Variants in RPS6KC1 observed in about 807,000 individuals in gnomAD.
RPS6KC1 encodes ribosomal protein S6 kinase C1, also known as inactive ribosomal protein S6 kinase delta-1.
In RPS6KC1, 54 loss-of-function variants were observed where a neutral mutation model predicts 103.8. The observed-to-expected ratio is 0.52, with a 90% CI of 0.42 to 0.65. The LOEUF is 0.65. RPS6KC1 is among the 30% of genes least tolerant of loss of function. RPS6KC1 has a pLI of 0.00. For missense variants in RPS6KC1, 1,151 were observed against 1,253.8 expected, an observed-to-expected ratio of 0.92 and a Z score of 1.24; for synonymous variants, 439 against 438.7, an observed-to-expected ratio of 1.00 and a Z score of -0.01.
At chr1:213,317,506 C>G in the RPS6KC1 span, among the ~76,000 whole-genome samples, 4 of 152,194 alleles carry the variant, frequency 2.6e-5, no homozygotes, top group Admixed American at 6.5e-5. Flanking sequence ...TATCTGGGAT[C>G]AAGGCTCCAC....
chr1:213,147,787 A>G (rs1046093293), intron 6 of RPS6KC1, among the ~76,000 whole-genome samples: 4 of 152,200 alleles, frequency 2.6e-5, no homozygotes, highest in Non-Finnish European at 1.5e-5. Context: ...GCTGTGGGTC[A>G]TATGGACATT....
the RPS6KC1 span, among the ~76,000 whole-genome samples, chr1:213,304,050 A>G: frequency 6.6e-6 from 1 of 150,994 alleles, no homozygotes; most frequent in African/African-American, 2.4e-5. Flanking sequence ...CTAAAAATAC[A>G]AAAAAATTAG....
chr1:213,233,248 A>G (rs555040939), intron 10 of RPS6KC1, among the ~76,000 whole-genome samples: 4 of 152,292 alleles, frequency 2.6e-5, no homozygotes, highest in African/African-American at 7.2e-5. Flanking sequence ...AGGAAATTCA[A>G]AAGGGGCTCT....
chr1:213,616,120 T>G, the RPS6KC1 span, among the ~76,000 whole-genome samples: 1 of 152,212 alleles, frequency 6.6e-6, no homozygotes, highest in African/African-American at 2.4e-5. Context: ...GTAAGCAAAG[T>G]GCAAGGCATG....
intron 8 of RPS6KC1, among the ~76,000 whole-genome samples, chr1:213,193,988 C>G (rs1410799753): frequency 6.6e-6 from 1 of 152,198 alleles, no homozygotes; most frequent in African/African-American, 2.4e-5. Context: ...CTTTATATAT[C>G]TGGGTGCTCC....
At chr1:213,823,750 ACAC>A in the RPS6KC1 span, among the ~76,000 whole-genome samples, 1 of 151,666 alleles carries the variant, frequency 6.6e-6, no homozygotes, top group African/African-American at 2.4e-5. Context: ...ACACACACAC[ACAC>A]CACACCACAT....
At chr1:213,167,785 G>T in intron 6 of RPS6KC1, 73 bp from the exon 7 acceptor site, 1 of 803,640 alleles carries the variant, frequency 1.2e-6, no homozygotes, top group Middle Eastern at 2.3e-4. Context: ...CAGTGTATTG[G>T]GTAGAAGGAA....
At chr1:213,639,735 TC>T in the RPS6KC1 span, among the ~76,000 whole-genome samples, 3 of 152,036 alleles carry the variant, frequency 2.0e-5, no homozygotes, top group African/African-American at 7.2e-5. Flanking sequence ...AGCTTTGCAT[TC>T]CTGGAATAAA....
chr1:213,413,485 G>C, the RPS6KC1 span, among the ~76,000 whole-genome samples: 1 of 152,146 alleles, frequency 6.6e-6, no homozygotes, highest in African/African-American at 2.4e-5. Context: ...GTTGCCTGGG[G>C]TTGCAGTCTT....
At chr1:213,212,804 T>A (rs914533885) in intron 8 of RPS6KC1, among the ~76,000 whole-genome samples, 3 of 152,356 alleles carry the variant, frequency 2.0e-5, no homozygotes, top group African/African-American at 7.2e-5. Context: ...ATATCTTGTT[T>A]CAATTTGCAC....
chr1:213,083,804 G>A (rs369386429), intron 3 of RPS6KC1, among the ~76,000 whole-genome samples: 15 of 152,132 alleles, frequency 9.9e-5, no homozygotes, highest in East Asian at 7.7e-4. Flanking sequence ...ACTGAACCAG[G>A]ATTAGTCTGT....
chr1:213,558,167 G>A, the RPS6KC1 span, among the ~76,000 whole-genome samples: 8 of 152,204 alleles, frequency 5.3e-5, no homozygotes, highest in East Asian at 3.8e-4. Flanking sequence ...CATCAGCTAC[G>A]TAAGGGGCTT....
intron 3 of RPS6KC1, among the ~76,000 whole-genome samples, chr1:213,092,584 A>G (rs2081071692): frequency 6.6e-6 from 1 of 151,642 alleles, no homozygotes; most frequent in Non-Finnish European, 1.5e-5. Flanking sequence ...AGGCAGGGGA[A>G]TTGCTTGAAC....
At chr1:213,561,129 C>T in the RPS6KC1 span, among the ~76,000 whole-genome samples, 1 of 152,208 alleles carries the variant, frequency 6.6e-6, no homozygotes, top group Non-Finnish European at 1.5e-5. Context: ...TCACCAGTCT[C>T]AAATATACGT....
At chr1:213,275,949 T>C (rs192975128), downstream of RPS6KC1, among the ~76,000 whole-genome samples, 1 of 152,348 alleles carries the variant, frequency 6.6e-6, no homozygotes, top group East Asian at 1.9e-4. Flanking sequence ...GTTGATAATA[T>C]ATTTAGACCT....
chr1:213,219,878 G>A (rs944240793), intron 8 of RPS6KC1, among the ~76,000 whole-genome samples: 2 of 137,346 alleles, frequency 1.5e-5, no homozygotes, highest in African/African-American at 5.3e-5. Context: ...GAGGGGGGAG[G>A]TATAGCATTA....
intron 12 of RPS6KC1, among the ~76,000 whole-genome samples, chr1:213,258,051 A>G (rs1208231402): frequency 2.0e-5 from 3 of 151,924 alleles, no homozygotes; most frequent in Admixed American, 6.6e-5. Context: ...GCATGATCTC[A>G]GCTCACTGCA....
intron 10 of RPS6KC1, among the ~76,000 whole-genome samples, chr1:213,240,244 T>C (rs937613793): frequency 1.3e-5 from 2 of 152,126 alleles, no homozygotes; most frequent in Non-Finnish European, 2.9e-5. Flanking sequence ...TGGAATAATA[T>C]TGTTGATTTT....
At chr1:213,439,493 C>G in the RPS6KC1 span, among the ~76,000 whole-genome samples, 1 of 151,816 alleles carries the variant, frequency 6.6e-6, no homozygotes, top group Non-Finnish European at 1.5e-5. Flanking sequence ...TAGCAAAGGC[C>G]TAATGTGTTG....
Sources: allele counts gnomAD v4.1 joint callset (sites outside exome capture counted in the v4.1 genomes callset), GRCh38; gene constraint gnomAD v4.1.1; transcripts MANE v1.5; gene names NCBI Gene and HGNC (gene_info 2026-07-23, HGNC 2026-07-21).